Variants in PPM1N observed in about 807,000 individuals in gnomAD.
PPM1N encodes protein phosphatase, Mg2+/Mn2+ dependent 1N (putative).
Under a neutral mutation model 32.6 loss-of-function variants are expected in PPM1N, and 35 were observed. The observed-to-expected ratio is 1.07, with a 90% confidence interval of 0.82 to 1.43. The LOEUF is 1.43. Among genes scored for constraint, PPM1N ranks in the 40% most tolerant of loss-of-function variants. The pLI, the probability that PPM1N is intolerant of heterozygous loss-of-function variation, is 0.00. For missense variants in PPM1N, 648 were observed against 606.6 expected, an observed-to-expected ratio of 1.07 and a Z score of -0.72; for synonymous variants, 275 against 270.5, an observed-to-expected ratio of 1.02 and a Z score of -0.16.
rs200461100 is a variant in PPM1N at position 45,500,610 on chromosome 19, G to A, written c.1164-40G>A. Reference sequence around the variant, plus strand: ...GGGTGGAATGAGGGTGGGGTGGAAGGAGGAGAGTCCCCTCCTGAGGGCCTT... The same window carrying A: ...GGGTGGAATGAGGGTGGGGTGGAAGAAGGAGAGTCCCCTCCTGAGGGCCTT... On this transcript the variant is annotated intron_variant, in intron 3 of 4. Coordinates refer to ENST00000451287, the MANE Select transcript of PPM1N (RefSeq NM_001080401.2). 4.3e-4 allele frequency: 682 copies of A among 1,592,182 alleles called. 1 individual carries two copies. The highest frequency in any genetic ancestry group is 2.8e-3 in the Middle Eastern group (17 of 5,992).
At position 45,498,895 on chromosome 19, in the gene PPM1N, C is replaced by T. The variant is rs1599919195; in HGVS notation, c.423C>T (p.Arg141=). 1.3e-6 allele frequency: 2 copies of T among 1,522,380 alleles called. No homozygotes were observed. The highest frequency in any genetic ancestry group is 1.4e-5 in the African/African-American group (1 of 70,222). 94.3% of individuals were successfully genotyped at this position (1,522,380 alleles called of 1,614,324 possible). A position where few individuals can be genotyped will look rare whatever the true frequency, so the allele number is the denominator to read the frequency against. Residue 141 remains arginine (R), a synonymous_variant, in exon 1 of 5, where the codon CGC becomes CGT. Transcript: ENST00000451287. ...CCGAGGGCGTGCGCGAGGCGCTGCG[C>T]CGAGCCTTCTTGAGCGCCGACGAGC... ...SEPEGVREAL[R]RAFLSADERL...
chr19:45,500,893 T>C (rs1369919149), intron 4 of PPM1N, among the ~76,000 whole-genome samples, 183 bp downstream of exon 4: 3 of 151,372 alleles, frequency 2.0e-5, no homozygotes, highest in East Asian at 1.9e-4. Context: ...CTCTCTCTCT[T>C]TTTTTTTAGA....
Position 45,499,558 on chromosome 19 carries a change from A to G in PPM1N, c.939+147A>G, listed in dbSNP as rs1179327418. The G allele has an allele frequency of 3.9e-6, 6 of 1,550,222 alleles. No homozygotes were observed. In the South Asian group the frequency reaches 7.2e-5, roughly 19 times the overall value. On this transcript the variant is annotated intron_variant, in intron 1 of 4. Coordinates refer to ENST00000451287, the MANE Select transcript of PPM1N (RefSeq NM_001080401.2). Reference sequence around the variant, plus strand: ...GACTCAAGCGAAGGGCGTGGCCTGAAGTGGGCAGGGCCAAAATACAGGGGC... The same window carrying G: ...GACTCAAGCGAAGGGCGTGGCCTGAGGTGGGCAGGGCCAAAATACAGGGGC...
intron 1 of PPM1N, 52 bp downstream of exon 1, chr19:45,499,463 G>A: frequency 1.9e-6 from 3 of 1,598,730 alleles, no homozygotes; most frequent in Non-Finnish European, 1.7e-6. Flanking sequence ...CAGAGGGAGA[G>A]AGCCTCGGGG....
In PPM1N at chr19:45,502,320, A is replaced by C. The variant is rs1444545138; in HGVS notation, c.*235A>C. On this transcript the variant is annotated 3_prime_UTR_variant, in exon 5 of 5. Transcript: ENST00000451287. Reference sequence around the variant, plus strand: ...AAAAGCCCAAATCGAAAAAAAAAAAAAAAAAAAAAAAAAACAAAAAAACCC... The same window carrying C: ...AAAAGCCCAAATCGAAAAAAAAAAACAAAAAAAAAAAAAACAAAAAAACCC... 3.0e-5 allele frequency: 16 copies of C among 536,070 alleles called. No homozygotes were observed. The highest frequency in any genetic ancestry group is 1.7e-4 in the African/African-American group (8 of 48,174). 33.2% of individuals were successfully genotyped at this position (536,070 alleles called of 1,614,324 possible).
chr19:45,502,149 C>T lies in PPM1N; in HGVS notation c.*64C>T, dbSNP rs1389198722. 1 of 1,295,040 alleles carries T rather than the reference C, an allele frequency of 7.7e-7. No homozygotes were observed. Among genetic ancestry groups the T allele is most frequent in the Non-Finnish European group, 1.1e-6 (1 of 907,296 alleles). The allele number at this position is 1,295,040 out of a possible 1,614,324, so 80.2% of individuals were successfully genotyped here. On this transcript the variant is annotated 3_prime_UTR_variant, in exon 5 of 5. Transcript: ENST00000451287. ...CCTCAACAGAACTAAAGAAGAAAAC[C>T]GACCCTTTCCCCAACTACATGTACC...
intron 1 of PPM1N, 48 bp downstream of exon 1, chr19:45,499,459 G>T (rs770539400): frequency 6.3e-7 from 1 of 1,599,378 alleles, no homozygotes. Flanking sequence ...GCAGCAGAGG[G>T]AGAGAGCCTC....
chr19:45,499,818 T>C lies in PPM1N; in HGVS notation c.940-131T>C, dbSNP rs142467690. The C allele has an allele frequency of 2.9e-4, 439 of 1,494,080 alleles. No individual in the cohort carries two copies. The African/African-American group carries it at 5.6e-3, about 19-fold the overall frequency. The allele number at this position is 1,494,080 out of a possible 1,614,324, so 92.6% of individuals were successfully genotyped here. A position where few individuals can be genotyped will look rare whatever the true frequency, so the allele number is the denominator to read the frequency against. On this transcript the variant is annotated intron_variant, in intron 1 of 4. Transcript: ENST00000451287. ...CGGGTTTGGTCCCAGTAAGAGAGGATTGGCAGGTGGGTGGGACGCGAAAGA... is the reference window on the plus strand; with the variant it reads ...CGGGTTTGGTCCCAGTAAGAGAGGACTGGCAGGTGGGTGGGACGCGAAAGA...
chr19:45,498,668 C>A lies in PPM1N; in HGVS notation c.196C>A (p.Arg66Ser), dbSNP rs1255553421. Residue 66 changes from arginine to serine, a missense_variant, in exon 1 of 5, where the codon CGC becomes AGC. Arg to Ser is a moderately radical substitution (Grantham distance 110, BLOSUM62 -1). Coordinates refer to ENST00000451287, the MANE Select transcript of PPM1N (RefSeq NM_001080401.2). ...HGGAEASGGL[R>S]FGASAAQGWR... The stretch of plus-strand genomic sequence containing the variant: ...GGGTGCCGAGGCGTCTGGGGGCCTG[C>A]GCTTCGGGGCGAGCGCAGCGCAAGG... 1.4e-6 allele frequency: 2 copies of A among 1,435,178 alleles called. No individual in the cohort carries two copies. Among genetic ancestry groups the A allele is most frequent in the Middle Eastern group, 1.8e-4 (1 of 5,590 alleles). 88.9% of individuals were successfully genotyped at this position (1,435,178 alleles called of 1,614,324 possible). A position where few individuals can be genotyped will look rare whatever the true frequency, so the allele number is the denominator to read the frequency against.
intron 1 of PPM1N, 37 bp downstream of exon 1, chr19:45,499,448 T>C (rs777492843): frequency 8.8e-6 from 14 of 1,597,862 alleles, no homozygotes; most frequent in Non-Finnish European, 8.5e-7. Context: ...TGGGGCTTGG[T>C]GCAGCAGAGG....
chr19:45,499,566 G>A (rs760275921), intron 1 of PPM1N, 155 bp downstream of exon 1: 3 of 1,549,948 alleles, frequency 1.9e-6, no homozygotes, highest in African/African-American at 2.7e-5. Flanking sequence ...GAAGTGGGCA[G>A]GGCCAAAATA....
At chr19:45,499,861 T>A in intron 1 of PPM1N, 88 bp from the exon 2 acceptor site, 1 of 1,522,336 alleles carries the variant, frequency 6.6e-7, no homozygotes, top group Non-Finnish European at 8.8e-7. Flanking sequence ...ATAAGTAGAA[T>A]GAAGTGGGGG....
chr19:45,500,288 T>C (rs60396460), intron 2 of PPM1N, among the ~76,000 whole-genome samples, 168 bp from the exon 3 acceptor site: 15,230 of 151,988 alleles, frequency 0.1, 866 homozygotes, highest in East Asian at 0.21. Context: ...GCATGCACAA[T>C]CACACCCAGC....
chr19:45,499,793 C>T, intron 1 of PPM1N, 156 bp from the exon 2 acceptor site: 1 of 1,496,284 alleles, frequency 6.7e-7, no homozygotes, highest in Non-Finnish European at 8.9e-7. Context: ...CGCCTAGGAC[C>T]GGGTTTGGTC....
rs1336743649 is a variant in PPM1N, at chr19:45,498,925, G to A, written c.453G>A (p.Leu151=). 2 of 1,537,838 alleles carry A rather than the reference G, an allele frequency of 1.3e-6. No homozygotes were observed. Among genetic ancestry groups the A allele is most frequent in the East Asian group, 5.0e-5 (2 of 40,300 alleles). ...RRAFLSADER[L]RSLWPRVETG... Reference sequence around the variant, plus strand: ...CCTTCTTGAGCGCCGACGAGCGCCTGCGCTCCCTCTGGCCCCGCGTGGAAA... The same window carrying A: ...CCTTCTTGAGCGCCGACGAGCGCCTACGCTCCCTCTGGCCCCGCGTGGAAA... Residue 151 remains leucine, a synonymous_variant, in exon 1 of 5, where the codon CTG becomes CTA. Transcript: ENST00000451287.
In PPM1N at chr19:45,499,130, C is replaced by A. The variant is rs1484674015; in HGVS notation, c.658C>A (p.Arg220Ser). 6.6e-7 allele frequency: 1 copy of A among 1,517,396 alleles called. No individual in the cohort carries two copies. The allele number at this position is 1,517,396 out of a possible 1,614,324, so 94.0% of individuals were successfully genotyped here. The change falls in exon 1 of 5, where the codon CGC (arginine) becomes AGC (serine). Residue 220 changes from arginine (R) to serine (S), a missense_variant. By Grantham distance (110) the Arg-to-Ser change is moderately radical. Transcript: ENST00000451287. Reference protein sequence around the residue: ...RIHAAGGTIRRRRVEGSLAVS... With the variant: ...RIHAAGGTIRSRRVEGSLAVS... Reference sequence around the variant, plus strand: ...CCACGCCGCTGGCGGCACCATCCGCCGCCGCCGCGTCGAGGGCTCTCTGGC... The same window carrying A: ...CCACGCCGCTGGCGGCACCATCCGCAGCCGCCGCGTCGAGGGCTCTCTGGC...
In PPM1N at chr19:45,498,509, T is replaced by C. The variant is rs1046895718; in HGVS notation, c.37T>C (p.Trp13Arg). 7 of 1,404,596 alleles carry C rather than the reference T, an allele frequency of 5.0e-6. No individual in the cohort carries two copies. The African/African-American group carries it at 9.2e-5, about 18-fold the overall frequency. The allele number at this position is 1,404,596 out of a possible 1,614,324, so 87.0% of individuals were successfully genotyped here. A position where few individuals can be genotyped will look rare whatever the true frequency, so the allele number is the denominator to read the frequency against. ...GGCCCGCCAGCTGCAGCGTCTCCTC[T>C]GGACCGCTTGCAAGAAAAAGGAGAG... The part of the protein sequence containing the change: ...VLARQLQRLL[W>R]TACKKKEREK... The change falls in exon 1 of 5, where the codon TGG becomes CGG. Residue 13 changes from tryptophan to arginine, a missense_variant. Physicochemically the swap from Trp to Arg is moderately radical, Grantham distance 101. Coordinates refer to ENST00000451287, the MANE Select transcript of PPM1N (RefSeq NM_001080401.2).
rs777791403 is a variant in PPM1N at position 45,499,276 on chromosome 19, C to A, written c.804C>A (p.Phe268Leu). 51 of 1,612,214 alleles carry A rather than the reference C, an allele frequency of 3.2e-5. No individual in the cohort carries two copies. Among genetic ancestry groups the A allele is most frequent in the Non-Finnish European group, 4.2e-5 (50 of 1,179,648 alleles). ...TGGCACGCCAGGCTGAGGACGAGTT[C>A]ATGCTCCTGGCCTCTGATGGCGTCT... ...AALARQAEDE[F>L]MLLASDGVWD... The change falls in exon 1 of 5, where the codon TTC (phenylalanine) becomes TTA (leucine). Residue 268 changes from phenylalanine to leucine, a missense_variant. By Grantham distance (22) the Phe-to-Leu change is conservative. Coordinates refer to ENST00000451287, the MANE Select transcript of PPM1N (RefSeq NM_001080401.2).
intron 1 of PPM1N, 154 bp from the exon 2 acceptor site, chr19:45,499,795 G>C (rs554493853): frequency 6.7e-7 from 1 of 1,498,072 alleles, no homozygotes; most frequent in African/African-American, 1.4e-5. Flanking sequence ...CCTAGGACCG[G>C]GTTTGGTCCC....
Sources: allele counts gnomAD v4.1 joint callset (sites outside exome capture counted in the v4.1 genomes callset), GRCh38; gene constraint gnomAD v4.1.1; transcripts MANE v1.5; gene names NCBI Gene and HGNC (gene_info 2026-07-23, HGNC 2026-07-21).